Variants in HMCN2 observed in about 807,000 individuals in gnomAD.
The protein encoded by HMCN2 is hemicentin-2.
HMCN2 carries 325 observed loss-of-function variants against 377.5 expected under a neutral mutation model. That is an observed-to-expected ratio of 0.86 (90% CI 0.79 to 0.94). The LOEUF is 0.94. Ranked by LOEUF, HMCN2 falls within the 40% of genes least tolerant of loss-of-function variation. The probability of loss-of-function intolerance (pLI) is 0.00; values close to 1 mark genes in which losing one functional copy is unlikely to be tolerated. For synonymous variants in HMCN2, 2,007 were observed against 2,046.8 expected (o/e 0.98, Z 0.53); for missense variants, 4,543 against 4,725.3 (o/e 0.96, Z 1.13).
intron 54 of HMCN2, among the ~76,000 whole-genome samples, chr9:130,381,031 C>T (rs115285168): frequency 6.6e-6 from 1 of 152,132 alleles, no homozygotes; most frequent in African/African-American, 2.4e-5. Flanking sequence ...AACTGCCCCC[C>T]AGTCCTGCCC....
At chr9:130,429,423 C>T in intron 93 of HMCN2, 134 bp from the exon 94 acceptor site, 2 of 1,125,944 alleles carry the variant, frequency 1.8e-6, no homozygotes, top group Non-Finnish European at 2.5e-6. Context: ...TGAGGGCGGC[C>T]ATGCAGCCTG....
intron 22 of HMCN2, among the ~76,000 whole-genome samples, chr9:130,332,292 G>A (rs984818924): frequency 5.1e-4 from 78 of 152,342 alleles, no homozygotes; most frequent in Admixed American, 1.6e-3. Flanking sequence ...TCACCATGGC[G>A]GTTAGGAAGG....
rs190604144 is a variant in HMCN2 at position 130,418,855 on chromosome 9, G to C, written c.13045G>C (p.Glu4349Gln). ...DVALRCQATG[E>Q]PTPTIEWLQA... ...GGCCCTGCGGTGCCAGGCCACTGGA[G>C]AGCCCACACCCACCATTGAATGGCT... The change falls in exon 86 of 98, where the codon GAG (glutamate) becomes CAG (glutamine). Residue 4349 changes from glutamate to glutamine, a missense_variant. Physicochemically the swap from Glu to Gln is conservative, Grantham distance 29 (BLOSUM62 2). Coordinates refer to ENST00000683500, the MANE Select transcript of HMCN2 (RefSeq NM_001291815.2). 2 of 1,548,166 alleles carry C rather than the reference G, an allele frequency of 1.3e-6. No homozygotes were observed. The highest frequency in any genetic ancestry group is 2.4e-5 in the East Asian group (1 of 40,854).
Position 130,429,645 on chromosome 9 carries a change from C to T in HMCN2, c.14286C>T (p.Pro4762=). The T allele has an allele frequency of 6.5e-7, 1 of 1,547,264 alleles. No individual in the cohort carries two copies. Reference sequence around the variant, plus strand: ...CAGGCGGTCACCGCTGCAGCTGCCCCAGGGGTTACCGGATGCAGGGCCCCA... The same window carrying T: ...CAGGCGGTCACCGCTGCAGCTGCCCTAGGGGTTACCGGATGCAGGGCCCCA... The part of the protein sequence containing the change: ...NTPGGHRCSC[P]RGYRMQGPSL... Residue 4762 remains proline (P), a synonymous_variant, in exon 94 of 98, where the codon CCC becomes CCT. Transcript: ENST00000683500.
chr9:130,336,112 A>AGAGAAAGGAAGGAAAGAAGGAAG (rs1481913540), intron 22 of HMCN2, among the ~76,000 whole-genome samples: 3 of 152,184 alleles, frequency 2.0e-5, no homozygotes, highest in Admixed American at 6.5e-5. Context: ...AGTGAGAGAG[A>AGAGAAAGGAAGGAAAGAAGGAAG]GAGAAAGGAA....
chr9:130,385,622 GACA>G lies in HMCN2; in HGVS notation c.9171_9173del (p.Asp3057_Lys3058delinsGlu). 1 of 1,304,206 alleles carries G rather than the reference GACA, an allele frequency of 7.7e-7. No homozygotes were observed. The highest frequency in any genetic ancestry group is 1.0e-6 in the Non-Finnish European group (1 of 988,908). 80.8% of individuals were successfully genotyped at this position (1,304,206 alleles called of 1,614,324 possible). A position where few individuals can be genotyped will look rare whatever the true frequency, so the allele number is the denominator to read the frequency against. ...GGATGCGGTCCTGGTGAGGGTCGGG[GACA>G]AAGCTGTCCTGAGCTGCGAGACAGA... On this transcript the variant is annotated inframe_deletion, in exon 60 of 98. Transcript: ENST00000683500.
At chr9:130,277,820 TCATCACCACCACCATCATCATCATCAC>T (rs1588158235) in intron 1 of HMCN2, among the ~76,000 whole-genome samples, 1 of 41,934 alleles carries the variant, frequency 2.4e-5, no homozygotes, top group Non-Finnish European at 4.6e-5. Context: ...ACCATCATCA[TCATCACCACCACCATCATCATCATCAC>T]CACCACCACC....
intron 31 of HMCN2, among the ~76,000 whole-genome samples, chr9:130,353,910 G>A (rs894243668): frequency 3.3e-5 from 5 of 152,098 alleles, no homozygotes; most frequent in African/African-American, 1.2e-4. Context: ...CTGGCCCCCC[G>A]TGGGGAGTCA....
Position 130,425,834 on chromosome 9 carries a change from G to A in HMCN2, c.13789G>A (p.Val4597Met), listed in dbSNP as rs1432620208. The A allele has an allele frequency of 6.5e-7, 1 of 1,550,360 alleles. No homozygotes were observed. The highest frequency in any genetic ancestry group is 1.4e-5 in the African/African-American group (1 of 73,040). ...GGCCCGGGGCCCCCAGCCCCAGCTG[G>A]TGCAGCACCTGCGGGCCTCAGCTAT... Reference protein sequence around the residue: ...NAARGPQPQLVQHLRASAISS... With the variant: ...NAARGPQPQLMQHLRASAISS... The change falls in exon 90 of 98, where the codon GTG (valine) becomes ATG (methionine). Residue 4597 changes from valine (V) to methionine (M), a missense_variant. Physicochemically the swap from Val to Met is conservative, Grantham distance 21. Coordinates refer to ENST00000683500, the MANE Select transcript of HMCN2 (RefSeq NM_001291815.2).
In HMCN2 at chr9:130,386,480, A is replaced by G; in HGVS notation, c.9347A>G (p.Asn3116Ser). The part of the protein sequence containing the change: ...DKGLYSCKVS[N>S]VAGEAVRTFT... The stretch of plus-strand genomic sequence containing the variant: ...GGTTTATACAGCTGTAAAGTCAGCA[A>G]CGTGGCTGGGGAGGCCGTGCGGACC... Residue 3116 changes from asparagine (N) to serine (S), a missense_variant, in exon 61 of 98, where the codon AAC (asparagine) becomes AGC (serine). Asn to Ser is a conservative substitution (Grantham distance 46). Coordinates refer to ENST00000683500, the MANE Select transcript of HMCN2 (RefSeq NM_001291815.2). 1.5e-6 allele frequency: 2 copies of G among 1,304,040 alleles called. No homozygotes were observed. Among genetic ancestry groups the G allele is most frequent in the Non-Finnish European group, 2.0e-6 (2 of 988,922 alleles). The allele number at this position is 1,304,040 out of a possible 1,614,324, so 80.8% of individuals were successfully genotyped here.
At chr9:130,419,139 C>A in intron 86 of HMCN2, 98 bp downstream of exon 86, 1 of 1,196,252 alleles carries the variant, frequency 8.4e-7, no homozygotes, top group Non-Finnish European at 1.1e-6. Flanking sequence ...CCCTGCCTTG[C>A]CAGCTCCCCA....
At chr9:130,339,549 C>T (rs886848511) in intron 23 of HMCN2, among the ~76,000 whole-genome samples, 6,367 of 152,314 alleles carry the variant, frequency 0.042, 185 homozygotes, top group Middle Eastern at 0.082. Context: ...TGAGTCCTGA[C>T]TGTGCTGCTG....
chr9:130,417,441 G>A (rs1220963379), intron 85 of HMCN2, among the ~76,000 whole-genome samples: 1 of 145,912 alleles, frequency 6.9e-6, no homozygotes, highest in Non-Finnish European at 1.5e-5. Context: ...AGAATCACTT[G>A]AAGCCGGGAG....
intron 48 of HMCN2, among the ~76,000 whole-genome samples, chr9:130,373,747 A>AGATGGATAGGTAGGTGGATGGATG (rs1841208353): frequency 8.9e-5 from 2 of 22,368 alleles, no homozygotes; most frequent in African/African-American, 1.2e-4. Flanking sequence ...GTGGATGGAT[A>AGATGGATAGGTAGGTGGATGGATG]GATGGATAGG....
In HMCN2 at chr9:130,349,559, C is replaced by T. The variant is rs1031233582; in HGVS notation, c.4326C>T (p.Ala1442=). ...CAGCCCCTCCTTCCGTGCTTGGAGC[C>T]GGGGCCGCTCAGGAGGTGCTAGGAT... ...LVLTPPSVLG[A]GAAQEVLGLA... Residue 1442 remains alanine (A), a synonymous_variant, in exon 29 of 98, where the codon GCC becomes GCT. Coordinates refer to ENST00000683500, the MANE Select transcript of HMCN2 (RefSeq NM_001291815.2). The T allele has an allele frequency of 3.1e-5, 40 of 1,303,176 alleles. No homozygotes were observed. The highest frequency in any genetic ancestry group is 4.9e-4 in the Middle Eastern group (2 of 4,076). 80.7% of individuals were successfully genotyped at this position (1,303,176 alleles called of 1,614,324 possible).
rs1268323938 is a variant in HMCN2, at chr9:130,403,312, G to A, written c.11997G>A (p.Gly3999=). The A allele has an allele frequency of 7.0e-6, 9 of 1,289,916 alleles. No homozygotes were observed. Among genetic ancestry groups the A allele is most frequent in the Non-Finnish European group, 9.1e-6 (9 of 988,882 alleles). The allele number at this position is 1,289,916 out of a possible 1,614,324, so 79.9% of individuals were successfully genotyped here. ...CGACCATCACCTGGCAGAAGGAAGGGCTCAACGTCGCTACTGGTGAGGGCC... is the reference window on the plus strand; with the variant it reads ...CGACCATCACCTGGCAGAAGGAAGGACTCAACGTCGCTACTGGTGAGGGCC... ...PRPTITWQKE[G]LNVATGVSTQ... is the part of the protein sequence containing the mutation. The change falls in exon 79 of 98, where the codon GGG becomes GGA. Residue 3999 remains glycine, a synonymous_variant. Coordinates refer to ENST00000683500, the MANE Select transcript of HMCN2 (RefSeq NM_001291815.2).
Position 130,422,497 on chromosome 9 carries a change from A to C in HMCN2, c.13232-80A>C. On this transcript the variant is annotated intron_variant, in intron 86 of 97. Coordinates refer to ENST00000683500, the MANE Select transcript of HMCN2 (RefSeq NM_001291815.2). The surrounding 1 kb of genome is among the most constrained non-coding windows in gnomAD (Gnocchi z 4.2). ...CGAGCCTCCATTTACTCCTTCACGA[A>C]ATGGGAATGACAGCCTGCTTGTGCT... 8.7e-7 allele frequency: 1 copy of C among 1,150,742 alleles called. No homozygotes were observed. Among genetic ancestry groups the C allele is most frequent in the Non-Finnish European group, 1.1e-6 (1 of 898,300 alleles). 71.3% of individuals were successfully genotyped at this position (1,150,742 alleles called of 1,614,324 possible).
intron 54 of HMCN2, among the ~76,000 whole-genome samples, chr9:130,381,429 G>C (rs1362330479): frequency 6.6e-6 from 1 of 151,960 alleles, no homozygotes; most frequent in African/African-American, 2.4e-5. Flanking sequence ...ACAGTGCAGT[G>C]GCAGTCTTGG....
intron 19 of HMCN2, among the ~76,000 whole-genome samples, 179 bp from the exon 20 acceptor site, chr9:130,325,416 T>A (rs1838081075): frequency 6.6e-6 from 1 of 152,164 alleles, no homozygotes; most frequent in Admixed American, 6.5e-5. Flanking sequence ...TTCCAGAATG[T>A]CATATAGCTG....
Sources: gnomAD v4.1 joint callset for allele counts (sites outside exome capture counted in the v4.1 genomes callset) on GRCh38, gnomAD v4.1.1 for gene constraint, Gnocchi (gnomAD v3.1) non-coding constraint, MANE v1.5 for transcripts, NCBI Gene and HGNC (gene_info 2026-07-23, HGNC 2026-07-21) for gene names.